The following NUP50 variants were observed in gnomAD, a reference collection of about 807,000 sequenced individuals.
NUP50 encodes the protein nuclear pore complex protein Nup50.
NUP50 carries 14 observed loss-of-function variants against 36.8 expected under a neutral mutation model. The observed-to-expected ratio is 0.38, with a 90% CI of 0.25 to 0.59. The LOEUF (loss-of-function observed/expected upper bound fraction) is 0.59. Ranked by LOEUF, NUP50 falls within the 20% of genes least tolerant of loss-of-function variation. The pLI is 0.63. For synonymous variants in NUP50, 195 were observed against 210.8 expected (o/e 0.93, Z 0.65); for missense variants, 455 against 564.6 (o/e 0.81, Z 1.97).
rs1341515350 is a variant in NUP50, at chr22:45,176,086, T to G, written c.340+6T>G. On this transcript the variant is annotated splice_donor_region_variant and intron_variant, in intron 4 of 7. Transcript: ENST00000347635. ...AGATCCCAAGGTAGCCTTTGGTAAG[T>G]AGCTCCCATCCCCCAGCCGCCTGTG... 1 of 1,612,136 alleles carries G rather than the reference T, an allele frequency of 6.2e-7. No homozygotes were observed.
intron 3 of NUP50, among the ~76,000 whole-genome samples, chr22:45,173,260 G>A (rs2074225266): frequency 6.6e-6 from 1 of 150,998 alleles, no homozygotes; most frequent in Non-Finnish European, 1.5e-5. Flanking sequence ...TACTTATGGT[G>A]TACAACATGG....
chr22:45,166,277 CTTTTTCTTTTTTTTTTTT>C (rs1220815030), intron 1 of NUP50: 1 of 113,144 alleles, frequency 8.8e-6, no homozygotes, highest in African/African-American at 3.1e-5. Flanking sequence ...ATTTTTTTTT[CTTTTTCTTTTTTTTTTTT>C]TTTTTTTTTT....
Position 45,185,790 on chromosome 22 carries a change from G to A in NUP50, c.*1135G>A, listed in dbSNP as rs2074461001. 6.6e-6 allele frequency: 1 copy of A among 152,198 alleles called. No individual in the cohort carries two copies. Among genetic ancestry groups the A allele is most frequent in the African/African-American group, 2.4e-5 (1 of 41,450 alleles). The allele number at this position is 152,198 out of a possible 1,614,324, so 9.4% of individuals were successfully genotyped here. On this transcript the variant is annotated 3_prime_UTR_variant, in exon 8 of 8. Transcript: ENST00000347635. ...CCCTGTCACTTCTCCAGAGGTGTCA[G>A]GTAACTAACACGAGCATTCTTTGAA...
At chr22:45,184,379 T>C in intron 7 of NUP50, 74 bp from the exon 8 acceptor site, 1 of 1,305,130 alleles carries the variant, frequency 7.7e-7, no homozygotes, top group Non-Finnish European at 1.1e-6. Flanking sequence ...CATTTAATGT[T>C]TAGCATATTA....
intron 5 of NUP50, 88 bp downstream of exon 5, chr22:45,178,988 C>A: frequency 7.8e-7 from 1 of 1,281,924 alleles, no homozygotes; most frequent in Non-Finnish European, 1.1e-6. Context: ...AAATATGAGT[C>A]TGGATTCACA....
chr22:45,171,525 C>A, intron 2 of NUP50, 75 bp from the exon 3 acceptor site: 1 of 1,336,566 alleles, frequency 7.5e-7, no homozygotes, highest in Non-Finnish European at 1.1e-6. Flanking sequence ...TCAGTTCTAG[C>A]TTGTTGTTGT....
Position 45,170,905 on chromosome 22 carries a change from A to G in NUP50, c.70-695A>G, listed in dbSNP as rs1013735358. ...GCCAGATGGTCCCCTCTATGAGTGT[A>G]GGAGCCCGTTAAGTTTAATATGATC... On this transcript the variant is annotated intron_variant, in intron 2 of 7. Transcript: ENST00000347635. The G allele has an allele frequency of 3.8e-6, 4 of 1,057,990 alleles. No homozygotes were observed. In the Admixed American group the frequency reaches 9.9e-5, roughly 26 times the overall value. 65.5% of individuals were successfully genotyped at this position (1,057,990 alleles called of 1,614,324 possible). A position where few individuals can be genotyped will look rare whatever the true frequency, so the allele number is the denominator to read the frequency against.
chr22:45,172,311 T>C (rs1034922357), intron 3 of NUP50: 1 of 152,220 alleles, frequency 6.6e-6, no homozygotes, highest in African/African-American at 2.4e-5. Context: ...GCTTTGAATA[T>C]CCTGGGTGGC....
rs184261116 is a variant in NUP50 at position 45,177,867 on chromosome 22, G to A, written c.341-371G>A. On this transcript the variant is annotated intron_variant, in intron 4 of 7. Transcript: ENST00000347635. ...CAGTAGGTCGGGCGCAGTGGCTCAC[G>A]CTTGTAATCCCAGCACTTTGGGAGT... is the stretch of plus-strand genomic sequence containing the variant. 7 of 196,764 alleles carry A rather than the reference G, an allele frequency of 3.6e-5. No homozygotes were observed. The East Asian group carries it at 9.0e-4, about 25-fold the overall frequency. The allele number at this position is 196,764 out of a possible 1,614,324, so 12.2% of individuals were successfully genotyped here.
Position 45,185,315 on chromosome 22 carries a change from T to G in NUP50, c.*660T>G, listed in dbSNP as rs990252622. 6.5e-6 allele frequency: 1 copy of G among 153,140 alleles called. No individual in the cohort carries two copies. Among genetic ancestry groups the G allele is most frequent in the Non-Finnish European group, 1.5e-5 (1 of 68,506 alleles). The allele number at this position is 153,140 out of a possible 1,614,324, so 9.5% of individuals were successfully genotyped here. On this transcript the variant is annotated 3_prime_UTR_variant, in exon 8 of 8. Coordinates refer to ENST00000347635, the MANE Select transcript of NUP50 (RefSeq NM_007172.4). The stretch of plus-strand genomic sequence containing the variant: ...ATGAACAGCTTGTGAAGGAGTTTTT[T>G]GGCTTCATAGTTTCTATTCATGAGG...
intron 6 of NUP50, among the ~76,000 whole-genome samples, chr22:45,182,557 C>G (rs555799931): frequency 6.6e-6 from 1 of 151,248 alleles, no homozygotes; most frequent in African/African-American, 2.4e-5. Flanking sequence ...AGACCCTACC[C>G]AAGAATGTTT....
rs116275279 is a variant in NUP50 at position 45,173,888 on chromosome 22, A to G, written c.154-2006A>G. Among the ~76,000 whole-genome samples, 557 of 152,354 alleles carry G rather than the reference A, an allele frequency of 3.7e-3. 4 individuals carry two copies. The highest frequency in any genetic ancestry group is 0.013 in the African/African-American group (527 of 41,578). ...ATAATAGAAATCCACAGATAATTTT[A>G]GCTGTAACTCTTAGCCTGAAGTTTT... On this transcript the variant is annotated intron_variant, in intron 3 of 7. Coordinates refer to ENST00000347635, the MANE Select transcript of NUP50 (RefSeq NM_007172.4).
In NUP50 at chr22:45,184,908, C is replaced by T. The variant is rs12168191; in HGVS notation, c.*253C>T. ...AATTTTTGGAAGATTTTTTAATGTT[C>T]GTTTATTAAACTAACCCTAAGTGAT... On this transcript the variant is annotated 3_prime_UTR_variant, in exon 8 of 8. Transcript: ENST00000347635. 18 of 505,568 alleles carry T rather than the reference C, an allele frequency of 3.6e-5. No homozygotes were observed. The highest frequency in any genetic ancestry group is 2.5e-4 in the Admixed American group (7 of 28,026). The allele number at this position is 505,568 out of a possible 1,614,324, so 31.3% of individuals were successfully genotyped here. A position where few individuals can be genotyped will look rare whatever the true frequency, so the allele number is the denominator to read the frequency against.
At chr22:45,176,636 T>G (rs548206049) in intron 4 of NUP50, among the ~76,000 whole-genome samples, 3 of 152,228 alleles carry the variant, frequency 2.0e-5, no homozygotes, top group Non-Finnish European at 4.4e-5. Context: ...TGATCCTGAC[T>G]GGTTGGGTTG....
rs1475166947 is a variant in NUP50, at chr22:45,185,095, C to T, written c.*440C>T. On this transcript the variant is annotated 3_prime_UTR_variant, in exon 8 of 8. Coordinates refer to ENST00000347635, the MANE Select transcript of NUP50 (RefSeq NM_007172.4). ...TGTGCTTCTCTCCGGTGGGCTCAGC[C>T]GACGTGTGAGACTTGTTCTGTTACC... 1.5e-5 allele frequency: 3 copies of T among 204,912 alleles called. No individual in the cohort carries two copies. The highest frequency in any genetic ancestry group is 7.7e-5 in the South Asian group (1 of 13,066). 12.7% of individuals were successfully genotyped at this position (204,912 alleles called of 1,614,324 possible). A position where few individuals can be genotyped will look rare whatever the true frequency, so the allele number is the denominator to read the frequency against.
intron 2 of NUP50, among the ~76,000 whole-genome samples, chr22:45,170,497 C>A (rs1035243765): frequency 6.6e-6 from 1 of 152,188 alleles, no homozygotes; most frequent in African/African-American, 2.4e-5. Flanking sequence ...GCAACTGTTT[C>A]CAAGCTTATT....
intron 6 of NUP50, among the ~76,000 whole-genome samples, chr22:45,181,912 T>G (rs911392942): frequency 6.6e-6 from 1 of 152,226 alleles, no homozygotes; most frequent in Non-Finnish European, 1.5e-5. Flanking sequence ...AGATATTTGC[T>G]GAAAAAACAT....
At position 45,184,781 on chromosome 22, in the gene NUP50, A is replaced by AG; in HGVS notation, c.*128dup. The AG allele has an allele frequency of 1.4e-6, 1 of 701,738 alleles. No individual in the cohort carries two copies. Among genetic ancestry groups the AG allele is most frequent in the Non-Finnish European group, 2.4e-6 (1 of 408,690 alleles). The allele number at this position is 701,738 out of a possible 1,614,324, so 43.5% of individuals were successfully genotyped here. A position where few individuals can be genotyped will look rare whatever the true frequency, so the allele number is the denominator to read the frequency against. On this transcript the variant is annotated 3_prime_UTR_variant, in exon 8 of 8. Coordinates refer to ENST00000347635, the MANE Select transcript of NUP50 (RefSeq NM_007172.4). ...TTATAGATAACTTAAAACTTTTGTG[A>AG]GGAAGATTAATGTGGCCAATAAAAC...
In NUP50 at chr22:45,186,748, C is replaced by T. The variant is rs2083451698; in HGVS notation, c.*2093C>T. ...ACTATCACTGTTAAAGTGAAAATTACAGGGAAAAATGTGATGAATATACCG... is the reference window on the plus strand; with the variant it reads ...ACTATCACTGTTAAAGTGAAAATTATAGGGAAAAATGTGATGAATATACCG... On this transcript the variant is annotated 3_prime_UTR_variant, in exon 8 of 8. Transcript: ENST00000347635. 1 of 152,536 alleles carries T rather than the reference C, an allele frequency of 6.6e-6. No individual in the cohort carries two copies. The highest frequency in any genetic ancestry group is 1.5e-5 in the Non-Finnish European group (1 of 68,020). The allele number at this position is 152,536 out of a possible 1,614,324, so 9.4% of individuals were successfully genotyped here. A position where few individuals can be genotyped will look rare whatever the true frequency, so the allele number is the denominator to read the frequency against.
Sources: allele counts gnomAD v4.1 joint callset (sites outside exome capture counted in the v4.1 genomes callset), GRCh38; gene constraint gnomAD v4.1.1; transcripts MANE v1.5; gene names NCBI Gene and HGNC (gene_info 2026-07-23, HGNC 2026-07-21).